FNBP1L: variants seen among roughly 807,000 people sequenced by gnomAD.
The protein encoded by FNBP1L is formin binding protein 1 like.
A neutral mutation model predicts 91.2 loss-of-function variants in FNBP1L; 36 were observed. The observed-to-expected ratio is 0.39, with a 90% CI of 0.30 to 0.52. FNBP1L has a LOEUF of 0.52. FNBP1L is among the 20% of genes least tolerant of loss of function. The probability of loss-of-function intolerance (pLI) is 0.66; values close to 1 mark genes in which losing one functional copy is unlikely to be tolerated. For synonymous variants in FNBP1L, 242 were observed against 237.0 expected (o/e 1.02, Z -0.19); for missense variants, 571 against 732.1 (o/e 0.78, Z 2.54).
chr1:93,482,502 A>G (rs1669745569), intron 1 of FNBP1L, among the ~76,000 whole-genome samples: 2 of 152,200 alleles, frequency 1.3e-5, no homozygotes, highest in African/African-American at 4.8e-5. Flanking sequence ...TTTTAGGAGT[A>G]AAAATAAGAA....
chr1:93,506,647 G>T (rs1670624793), intron 2 of FNBP1L, among the ~76,000 whole-genome samples: 1 of 152,110 alleles, frequency 6.6e-6, no homozygotes, highest in African/African-American at 2.4e-5. Flanking sequence ...ACAGTGATTA[G>T]AACTCAGCCT....
chr1:93,452,022 G>A (rs1668514780), intron 1 of FNBP1L, among the ~76,000 whole-genome samples: 2 of 152,194 alleles, frequency 1.3e-5, no homozygotes, highest in African/African-American at 4.8e-5. Flanking sequence ...AATGTGGGTT[G>A]AGTGATAGAT....
chr1:93,537,348 C>A (rs542142085), intron 10 of FNBP1L, among the ~76,000 whole-genome samples: 1 of 151,950 alleles, frequency 6.6e-6, no homozygotes, highest in African/African-American at 2.4e-5. Flanking sequence ...TAGGTTGTTT[C>A]GTTCTTCCTT....
intron 14 of FNBP1L, among the ~76,000 whole-genome samples, 163 bp from the exon 15 acceptor site, chr1:93,549,112 TAGA>T (rs1196032502): frequency 6.6e-6 from 1 of 152,180 alleles, no homozygotes; most frequent in African/African-American, 2.4e-5. Flanking sequence ...CATTTTGTAT[TAGA>T]AGTAATTTGT....
At chr1:93,519,867 G>C (rs973347685) in intron 2 of FNBP1L, among the ~76,000 whole-genome samples, 1 of 152,148 alleles carries the variant, frequency 6.6e-6, no homozygotes, top group Non-Finnish European at 1.5e-5. Context: ...TGAGGCAGGA[G>C]GATCTTGCCC....
chr1:93,527,068 C>T (rs2101754321), intron 5 of FNBP1L, among the ~76,000 whole-genome samples: 1 of 152,160 alleles, frequency 6.6e-6, no homozygotes, highest in Non-Finnish European at 1.5e-5. Context: ...GTGTCTCATA[C>T]TAATCAAAAT....
intron 2 of FNBP1L, among the ~76,000 whole-genome samples, chr1:93,508,547 G>A (rs760872554): frequency 2.1e-4 from 32 of 152,096 alleles, no homozygotes; most frequent in Admixed American, 2.0e-4. Context: ...ACCTATAGAT[G>A]TGTGAGTTTT....
chr1:93,475,335 A>G (rs968616891), intron 1 of FNBP1L, among the ~76,000 whole-genome samples: 4 of 152,118 alleles, frequency 2.6e-5, no homozygotes, highest in Admixed American at 6.6e-5. Context: ...AGGTGGGAGG[A>G]TCACTTGAGG....
chr1:93,497,577 T>G (rs910198819), intron 1 of FNBP1L, among the ~76,000 whole-genome samples: 2 of 152,170 alleles, frequency 1.3e-5, no homozygotes, highest in East Asian at 3.8e-4. Flanking sequence ...TTATAAATAA[T>G]AAAGCATATT....
chr1:93,552,193 A>C, intron 16 of FNBP1L: 1 of 1,342,214 alleles, frequency 7.5e-7, no homozygotes, highest in Non-Finnish European at 9.5e-7. Flanking sequence ...TGGTTGTGTG[A>C]CCACACCCTG....
At chr1:93,455,482 C>T (rs995522549) in intron 1 of FNBP1L, among the ~76,000 whole-genome samples, 2 of 152,248 alleles carry the variant, frequency 1.3e-5, no homozygotes, top group African/African-American at 4.8e-5. Flanking sequence ...AGCCACTGTG[C>T]CTGGCTCTAT....
intron 2 of FNBP1L, among the ~76,000 whole-genome samples, chr1:93,521,480 G>A (rs1570840940): frequency 6.6e-6 from 1 of 152,172 alleles, no homozygotes; most frequent in East Asian, 1.9e-4. Flanking sequence ...TTGTTCCTGA[G>A]GGGGATTGGT....
At chr1:93,481,381 A>C (rs1361716542) in intron 1 of FNBP1L, among the ~76,000 whole-genome samples, 1 of 152,188 alleles carries the variant, frequency 6.6e-6, no homozygotes, top group Non-Finnish European at 1.5e-5. Flanking sequence ...ATAGCTACTA[A>C]ATGAAGAGTT....
At chr1:93,477,222 G>T (rs190215374) in intron 1 of FNBP1L, among the ~76,000 whole-genome samples, 1 of 152,222 alleles carries the variant, frequency 6.6e-6, no homozygotes, top group African/African-American at 2.4e-5. Context: ...GGAGTAGAAT[G>T]ATGGCAATAG....
chr1:93,542,225 A>G (rs1049300070), intron 11 of FNBP1L, among the ~76,000 whole-genome samples: 3 of 152,066 alleles, frequency 2.0e-5, no homozygotes, highest in African/African-American at 4.8e-5. Context: ...ATAGTGAGCC[A>G]TGAGAGCTAT....
chr1:93,457,296 ATC>A (rs1668704311), intron 1 of FNBP1L, among the ~76,000 whole-genome samples: 1 of 152,128 alleles, frequency 6.6e-6, no homozygotes, highest in African/African-American at 2.4e-5. Flanking sequence ...CCTTTTTAAC[ATC>A]TGTTTTCTTC....
At chr1:93,498,804 A>G (rs1670350890) in intron 1 of FNBP1L, among the ~76,000 whole-genome samples, 2 of 152,214 alleles carry the variant, frequency 1.3e-5, no homozygotes, top group Admixed American at 1.3e-4. Context: ...ATTGCAGAAC[A>G]TGTTTAATAA....
chr1:93,473,295 G>A (rs895754899), intron 1 of FNBP1L, among the ~76,000 whole-genome samples: 6 of 152,074 alleles, frequency 3.9e-5, no homozygotes, highest in African/African-American at 1.4e-4. Context: ...TTATAATTTG[G>A]AACATTATCT....
chr1:93,511,742 G>T (rs1248391908), intron 2 of FNBP1L, among the ~76,000 whole-genome samples: 1 of 151,990 alleles, frequency 6.6e-6, no homozygotes, highest in Non-Finnish European at 1.5e-5. Flanking sequence ...CGAGGCGGGC[G>T]GATCACGAGG....
Sources: allele counts gnomAD v4.1 joint callset (sites outside exome capture counted in the v4.1 genomes callset), GRCh38; gene constraint gnomAD v4.1.1; transcripts MANE v1.5; gene names NCBI Gene and HGNC (gene_info 2026-07-23, HGNC 2026-07-21).